The following OTUD6B variants were observed in gnomAD, a reference collection of about 807,000 sequenced individuals.
OTUD6B encodes the protein deubiquitinase OTUD6B.
Under a neutral mutation model 36.9 loss-of-function variants are expected in OTUD6B, and 41 were observed. The observed-to-expected ratio is 1.11, with a 90% CI of 0.87 to 1.44. The LOEUF is 1.44. Ranked by LOEUF, OTUD6B falls within the 40% of genes most tolerant of loss-of-function variation. The pLI, the probability that OTUD6B is intolerant of heterozygous loss-of-function variation, is 0.00. For synonymous variants in OTUD6B, 114 were observed against 114.2 expected (o/e 1.00, Z 0.01); for missense variants, 356 against 344.8 (o/e 1.03, Z -0.26).
Position 91,071,258 on chromosome 8 carries a change from A to T in OTUD6B, c.203A>T (p.Glu68Val). 4 of 1,613,700 alleles carry T rather than the reference A, an allele frequency of 2.5e-6. No individual in the cohort carries two copies. Among genetic ancestry groups the T allele is most frequent in the Non-Finnish European group, 3.4e-6 (4 of 1,179,770 alleles). ...GAACAGAAACATAGAGAGGAACTGGAGCAATTGAAGCTGACTACTAAGGAG... is the reference window on the plus strand; with the variant it reads ...GAACAGAAACATAGAGAGGAACTGGTGCAATTGAAGCTGACTACTAAGGAG... Reference protein sequence around the residue: ...EMEQKHREELEQLKLTTKENK... With the variant: ...EMEQKHREELVQLKLTTKENK... Residue 68 changes from glutamate to valine, a missense_variant, in exon 2 of 7, where the codon GAG becomes GTG. Physicochemically the swap from Glu to Val is moderately radical, Grantham distance 121. Transcript: ENST00000404789.
Position 91,084,764 on chromosome 8 carries a change from CTT to C in OTUD6B, c.798-10_798-9del, listed in dbSNP as rs748645688. 1.9e-4 allele frequency: 214 copies of C among 1,143,752 alleles called. No individual in the cohort carries two copies. Among genetic ancestry groups the C allele is most frequent in the South Asian group, 4.3e-4 (25 of 58,308 alleles). 70.9% of individuals were successfully genotyped at this position (1,143,752 alleles called of 1,614,324 possible). On this transcript the variant is annotated intron_variant, in intron 6 of 6. Coordinates refer to ENST00000404789, the MANE Select transcript of OTUD6B (RefSeq NM_016023.5). ...TTGCTTTCATCAAAACTACTCATTT[CTT>C]TTTTTTTTTAATTTCAGATATATGA...
chr8:91,075,218 A>G (rs1412132338), intron 3 of OTUD6B, among the ~76,000 whole-genome samples: 1 of 152,066 alleles, frequency 6.6e-6, no homozygotes, highest in Non-Finnish European at 1.5e-5. Flanking sequence ...AGTAAATATA[A>G]TTGTGAATTT....
At chr8:91,077,718 GTA>G (rs1264327101) in intron 3 of OTUD6B, among the ~76,000 whole-genome samples, 1 of 151,976 alleles carries the variant, frequency 6.6e-6, no homozygotes. Context: ...ATTTTCAAGA[GTA>G]TACCATATTT....
At position 91,078,586 on chromosome 8, in the gene OTUD6B, G is replaced by C. The variant is rs1812844409; in HGVS notation, c.546G>C (p.Gln182His). The C allele has an allele frequency of 1.2e-6, 2 of 1,605,082 alleles. No individual in the cohort carries two copies. The highest frequency in any genetic ancestry group is 2.2e-5 in the South Asian group (2 of 89,408). Residue 182 changes from glutamine to histidine, a missense_variant, in exon 4 of 7, where the codon CAG (glutamine) becomes CAC (histidine). Transcript: ENST00000404789. Reference sequence around the variant, plus strand: ...TGACTGTGGTTGCCTTGAGAAGTCAGACCGCTGAGTATATGCAAAGCCATG... The same window carrying C: ...TGACTGTGGTTGCCTTGAGAAGTCACACCGCTGAGTATATGCAAAGCCATG... ...CALTVVALRS[Q>H]TAEYMQSHVE...
intron 4 of OTUD6B, chr8:91,078,929 C>T (rs1477712130): frequency 3.8e-6 from 1 of 264,676 alleles, no homozygotes; most frequent in African/African-American, 2.2e-5. Context: ...GAATAAGAGT[C>T]ATTTTTGAAA....
chr8:91,086,746 C>T lies in OTUD6B; in HGVS notation c.*1878C>T, dbSNP rs983185870. The stretch of plus-strand genomic sequence containing the variant: ...TGGTTATGAACAAGATTTGTATGGT[C>T]AGCTTCTGTTCTTTCCTAAAACTTC... On this transcript the variant is annotated 3_prime_UTR_variant, in exon 7 of 7. Coordinates refer to ENST00000404789, the MANE Select transcript of OTUD6B (RefSeq NM_016023.5). 1.3e-5 allele frequency: 2 copies of T among 152,046 alleles called. No homozygotes were observed. The highest frequency in any genetic ancestry group is 4.2e-4 in the South Asian group (2 of 4,814). 9.4% of individuals were successfully genotyped at this position (152,046 alleles called of 1,614,324 possible).
chr8:91,081,226 T>C (rs969818518), intron 5 of OTUD6B, among the ~76,000 whole-genome samples: 4 of 151,776 alleles, frequency 2.6e-5, no homozygotes, highest in Non-Finnish European at 4.4e-5. Flanking sequence ...TCCTAATTGA[T>C]AGTGACTGAC....
intron 3 of OTUD6B, chr8:91,076,502 C>T (rs550076347): frequency 7.1e-5 from 107 of 1,512,144 alleles, no homozygotes; most frequent in South Asian, 2.2e-4. Context: ...AACAGTTTTG[C>T]AGATAAGATA....
chr8:91,081,821 A>G (rs528176400), intron 5 of OTUD6B, among the ~76,000 whole-genome samples: 20 of 152,304 alleles, frequency 1.3e-4, no homozygotes, highest in African/African-American at 4.6e-4. Context: ...CATTTCCACC[A>G]GAGGGAACTG....
chr8:91,085,264 A>G lies in OTUD6B; in HGVS notation c.*396A>G, dbSNP rs1192832669. On this transcript the variant is annotated 3_prime_UTR_variant, in exon 7 of 7. Transcript: ENST00000404789. ...AATGTAATTTGTCTTGAAGAAGTTT[A>G]CCCAATATCTTTGTCATTGCAATAA... is the stretch of plus-strand genomic sequence containing the variant. 6.5e-6 allele frequency: 1 copy of G among 152,960 alleles called. No homozygotes were observed. Among genetic ancestry groups the G allele is most frequent in the Non-Finnish European group, 1.5e-5 (1 of 68,646 alleles). 9.5% of individuals were successfully genotyped at this position (152,960 alleles called of 1,614,324 possible).
chr8:91,073,420 G>A (rs1812735568), intron 2 of OTUD6B, among the ~76,000 whole-genome samples: 1 of 152,136 alleles, frequency 6.6e-6, no homozygotes, highest in African/African-American at 2.4e-5. Context: ...ATCAGGTTCT[G>A]GCTAATTAAG....
At chr8:91,080,294 C>G (rs1450979750) in intron 4 of OTUD6B, among the ~76,000 whole-genome samples, 1 of 151,788 alleles carries the variant, frequency 6.6e-6, no homozygotes, top group African/African-American at 2.4e-5. Context: ...TTTTTTTTGT[C>G]TTTCATGGTA....
rs1813000678 is a variant in OTUD6B at position 91,085,669 on chromosome 8, G to A, written c.*801G>A. 1 of 151,946 alleles carries A rather than the reference G, an allele frequency of 6.6e-6. No homozygotes were observed. Among genetic ancestry groups the A allele is most frequent in the South Asian group, 2.1e-4 (1 of 4,822 alleles). The allele number at this position is 151,946 out of a possible 1,614,324, so 9.4% of individuals were successfully genotyped here. A position where few individuals can be genotyped will look rare whatever the true frequency, so the allele number is the denominator to read the frequency against. On this transcript the variant is annotated 3_prime_UTR_variant, in exon 7 of 7. Coordinates refer to ENST00000404789, the MANE Select transcript of OTUD6B (RefSeq NM_016023.5). ...TGGAGTTAGTACCATCATCTCTTGA[G>A]TCTTTCATAACTACACATTTTTATA...
intron 6 of OTUD6B, chr8:91,084,505 G>T (rs1812969601): frequency 6.5e-6 from 1 of 152,984 alleles, no homozygotes; most frequent in Non-Finnish European, 1.5e-5. Context: ...AACCTATTAA[G>T]ATAGTCATCA....
rs146818331 is a variant in OTUD6B, at chr8:91,078,566, G to T, written c.526G>T (p.Val176Leu). The stretch of plus-strand genomic sequence containing the variant: ...GAAAGAAAAGGATTGTGCTCTGACT[G>T]TGGTTGCCTTGAGAAGTCAGACCGC... The part of the protein sequence containing the change: ...QLKEKDCALT[V>L]VALRSQTAEY... Residue 176 changes from valine to leucine, a missense_variant, in exon 4 of 7, where the codon GTG (valine) becomes TTG (leucine). Physicochemically the swap from Val to Leu is conservative, Grantham distance 32. Transcript: ENST00000404789. 3 of 1,608,074 alleles carry T rather than the reference G, an allele frequency of 1.9e-6. No homozygotes were observed. Among genetic ancestry groups the T allele is most frequent in the Non-Finnish European group, 2.5e-6 (3 of 1,176,866 alleles).
At chr8:91,081,071 A>C (rs189390648) in intron 5 of OTUD6B, among the ~76,000 whole-genome samples, 87 of 147,476 alleles carry the variant, frequency 5.9e-4, no homozygotes, top group Admixed American at 8.1e-4. Flanking sequence ...TTACTGAAGT[A>C]AAGTAAAATT....
At chr8:91,072,979 C>T (rs557318592) in intron 2 of OTUD6B, among the ~76,000 whole-genome samples, 13 of 152,136 alleles carry the variant, frequency 8.5e-5, no homozygotes, top group African/African-American at 2.4e-4. Flanking sequence ...TTTATCTTGC[C>T]TATTGTCAAT....
In OTUD6B at chr8:91,084,076, A is replaced by G; in HGVS notation, c.759A>G (p.Ile253Met). The change falls in exon 6 of 7, where the codon ATA becomes ATG. Residue 253 changes from isoleucine to methionine, a missense_variant. Ile to Met is a conservative substitution (Grantham distance 10, BLOSUM62 1). Transcript: ENST00000404789. ...EIIQADSPPI[I>M]VGEEYSKKPL... Reference sequence around the variant, plus strand: ...TACAGGCAGATTCTCCTCCCATTATAGTTGGTGAAGAATATTCAAAAAAAC... The same window carrying G: ...TACAGGCAGATTCTCCTCCCATTATGGTTGGTGAAGAATATTCAAAAAAAC... 2 of 1,572,358 alleles carry G rather than the reference A, an allele frequency of 1.3e-6. No individual in the cohort carries two copies. The highest frequency in any genetic ancestry group is 1.7e-6 in the Non-Finnish European group (2 of 1,157,266).
chr8:91,084,241 T>G, intron 6 of OTUD6B, 127 bp downstream of exon 6: 1 of 613,436 alleles, frequency 1.6e-6, no homozygotes, highest in South Asian at 2.3e-5. Context: ...AGCGATTTAT[T>G]TTTGTGTGTG....
Sources: allele counts gnomAD v4.1 joint callset (sites outside exome capture counted in the v4.1 genomes callset), GRCh38; gene constraint gnomAD v4.1.1; transcripts MANE v1.5; gene names NCBI Gene and HGNC (gene_info 2026-07-23, HGNC 2026-07-21).